KPNA5: variants seen among roughly 807,000 people sequenced by gnomAD.
KPNA5 encodes the protein karyopherin subunit alpha 5.
A neutral mutation model predicts 71.3 loss-of-function variants in KPNA5; 46 were observed. The ratio of observed to expected loss-of-function variants is 0.65; its 90% CI spans 0.51 to 0.83. The LOEUF is 0.83. Among genes scored for constraint, KPNA5 ranks in the 40% least tolerant of loss-of-function variants. The pLI is 0.00. For synonymous variants in KPNA5, 207 were observed against 201.4 expected (o/e 1.03, Z -0.24); for missense variants, 547 against 628.3 (o/e 0.87, Z 1.38).
At chr6:116,696,488 A>G (rs1027645528) in intron 4 of KPNA5, among the ~76,000 whole-genome samples, 3 of 152,136 alleles carry the variant, frequency 2.0e-5, no homozygotes, top group African/African-American at 7.2e-5. Context: ...TGCCCTGGGT[A>G]CTGCACAGCC....
At chr6:116,687,158 A>T (rs533079156) in intron 1 of KPNA5, among the ~76,000 whole-genome samples, 1 of 152,232 alleles carries the variant, frequency 6.6e-6, no homozygotes, top group Non-Finnish European at 1.5e-5. Context: ...CTTCCTATCC[A>T]CAAGCATGGA....
At position 116,741,114 on chromosome 6, in the gene KPNA5, T is replaced by C. The variant is rs1393661690; in HGVS notation, c.*8791T>C. ...GATACTTGCTTTATGATCTGATATGTGTTGGTTTTAGTGAAATGGCCCATG... is the reference window on the plus strand; with the variant it reads ...GATACTTGCTTTATGATCTGATATGCGTTGGTTTTAGTGAAATGGCCCATG... On this transcript the variant is annotated 3_prime_UTR_variant, in exon 14 of 14. Coordinates refer to ENST00000368564, the MANE Select transcript of KPNA5 (RefSeq NM_001366306.2). 6.6e-6 allele frequency: 1 copy of C among 152,154 alleles called. No individual in the cohort carries two copies. The highest frequency in any genetic ancestry group is 1.5e-5 in the Non-Finnish European group (1 of 68,004). The allele number at this position is 152,154 out of a possible 1,614,324, so 9.4% of individuals were successfully genotyped here.
intron 8 of KPNA5, among the ~76,000 whole-genome samples, chr6:116,719,100 A>G (rs9489024): frequency 0.079 from 12,080 of 152,214 alleles, 625 homozygotes; most frequent in Non-Finnish European, 0.091. Flanking sequence ...TTTCATTTCT[A>G]CAATCCTATT....
intron 7 of KPNA5, 33 bp from the exon 8 acceptor site, chr6:116,716,186 G>A (rs755057715): frequency 2.7e-6 from 4 of 1,478,814 alleles, no homozygotes; most frequent in Non-Finnish European, 3.8e-6. Context: ...ATGAATGTAA[G>A]GTGATAATTC....
chr6:116,704,814 C>T (rs889375592), intron 6 of KPNA5, among the ~76,000 whole-genome samples: 3 of 152,182 alleles, frequency 2.0e-5, no homozygotes, highest in South Asian at 2.1e-4. Flanking sequence ...TAGACTCAAG[C>T]GATCTGTCCA....
chr6:116,721,421 G>T (rs191760542), intron 8 of KPNA5, among the ~76,000 whole-genome samples: 22 of 152,068 alleles, frequency 1.4e-4, no homozygotes, highest in Admixed American at 2.6e-4. Flanking sequence ...CCAAAGTGCT[G>T]AGATTACAGG....
intron 6 of KPNA5, among the ~76,000 whole-genome samples, chr6:116,703,600 A>G (rs1388847383): frequency 6.6e-6 from 1 of 152,154 alleles, no homozygotes. Flanking sequence ...TATGTATTTC[A>G]AAGTCAGACT....
chr6:116,692,498 C>T, intron 4 of KPNA5, 106 bp downstream of exon 4: 2 of 711,548 alleles, frequency 2.8e-6, no homozygotes, highest in Non-Finnish European at 4.7e-6. Flanking sequence ...TTGCTAGACA[C>T]AGGTGTTATA....
intron 13 of KPNA5, among the ~76,000 whole-genome samples, chr6:116,730,335 C>A (rs1305606314): frequency 6.6e-6 from 1 of 151,908 alleles, no homozygotes; most frequent in Non-Finnish European, 1.5e-5. Flanking sequence ...GATCCAGCCA[C>A]CTCAACCTCC....
rs1779733444 is a variant in KPNA5 at position 116,738,034 on chromosome 6, T to C, written c.*5711T>C. 1 of 152,042 alleles carries C rather than the reference T, an allele frequency of 6.6e-6. No individual in the cohort carries two copies. Among genetic ancestry groups the C allele is most frequent in the South Asian group, 2.1e-4 (1 of 4,830 alleles). 9.4% of individuals were successfully genotyped at this position (152,042 alleles called of 1,614,324 possible). ...CATTTCAGCTGCATTCCACAAGTTA[T>C]TCAGCTCTAAGTATTTTAAAGTTTA... On this transcript the variant is annotated 3_prime_UTR_variant, in exon 14 of 14. Coordinates refer to ENST00000368564, the MANE Select transcript of KPNA5 (RefSeq NM_001366306.2).
chr6:116,726,128 T>C (rs917680615), intron 11 of KPNA5, among the ~76,000 whole-genome samples: 1 of 151,304 alleles, frequency 6.6e-6, no homozygotes, highest in Non-Finnish European at 1.5e-5. Flanking sequence ...TAGAAAGATA[T>C]TTTTTTGCAT....
chr6:116,695,068 A>G (rs1777970423), intron 4 of KPNA5, among the ~76,000 whole-genome samples: 1 of 151,874 alleles, frequency 6.6e-6, no homozygotes, highest in Admixed American at 6.6e-5. Context: ...CTCCTACTTC[A>G]GCTTCCTGAG....
intron 12 of KPNA5, among the ~76,000 whole-genome samples, chr6:116,729,211 G>C (rs1255947968): frequency 7.7e-6 from 1 of 130,480 alleles, no homozygotes; most frequent in East Asian, 2.2e-4. Context: ...CTGTGTGTAG[G>C]CTTGCCTTTA....
chr6:116,709,528 T>C (rs1778572402), intron 7 of KPNA5, among the ~76,000 whole-genome samples: 1 of 152,200 alleles, frequency 6.6e-6, no homozygotes, highest in South Asian at 2.1e-4. Flanking sequence ...CATCTCTAAA[T>C]TTTTTTTAAA....
intron 1 of KPNA5, among the ~76,000 whole-genome samples, chr6:116,685,656 A>G (rs1382058273): frequency 6.6e-6 from 1 of 152,120 alleles, no homozygotes; most frequent in Non-Finnish European, 1.5e-5. Context: ...CATGGTGTTT[A>G]TGTACCACAT....
intron 10 of KPNA5, 51 bp downstream of exon 10, chr6:116,724,426 AATTTAT>A: frequency 7.9e-7 from 1 of 1,263,874 alleles, no homozygotes; most frequent in Non-Finnish European, 1.1e-6. Context: ...GACTTTAAAA[AATTTAT>A]GTTTCATACA....
At chr6:116,691,253 A>T (rs1173910179) in intron 2 of KPNA5, among the ~76,000 whole-genome samples, 2 of 152,150 alleles carry the variant, frequency 1.3e-5, no homozygotes, top group African/African-American at 4.8e-5. Context: ...GTGAAATAAA[A>T]TATGTATTAT....
chr6:116,693,594 T>C (rs1341281241), intron 4 of KPNA5, among the ~76,000 whole-genome samples: 2 of 152,214 alleles, frequency 1.3e-5, no homozygotes, highest in Non-Finnish European at 2.9e-5. Context: ...TTTGTTTTTT[T>C]CTTGTAAATT....
intron 7 of KPNA5, among the ~76,000 whole-genome samples, chr6:116,710,873 T>TATATA (rs1554256692): frequency 2.4e-5 from 2 of 84,870 alleles, no homozygotes; most frequent in African/African-American, 4.2e-5. Flanking sequence ...TAATATTATT[T>TATATA]TATATATATA....
Sources: gnomAD v4.1 joint callset for allele counts (sites outside exome capture counted in the v4.1 genomes callset) on GRCh38, gnomAD v4.1.1 for gene constraint, MANE v1.5 for transcripts, NCBI Gene and HGNC (gene_info 2026-07-23, HGNC 2026-07-21) for gene names.